CSMD1: variants seen among roughly 807,000 people sequenced by gnomAD.
CSMD1 encodes the protein CUB and Sushi multiple domains 1, also known as CUB and sushi domain-containing protein 1.
In CSMD1, 213 loss-of-function variants were observed where a neutral mutation model predicts 417.5. That is an observed-to-expected ratio of 0.51 (90% confidence interval 0.46 to 0.57). The LOEUF is 0.57. Among genes scored for constraint, CSMD1 ranks in the 20% least tolerant of loss-of-function variants. The pLI is 0.00. For synonymous variants in CSMD1, 2,862 were observed against 1,736.8 expected, an observed-to-expected ratio of 1.65 and a Z score of -16.11; for missense variants, 6,923 against 4,529.7, an observed-to-expected ratio of 1.53 and a Z score of -15.17.
At chr8:4,328,607 G>C (rs535812430) in intron 3 of CSMD1, among the ~76,000 whole-genome samples, 4 of 151,820 alleles carry the variant, frequency 2.6e-5, no homozygotes, top group African/African-American at 9.7e-5. Flanking sequence ...AAGTCATTTT[G>C]TTTTGAAATA....
At chr8:4,605,496 T>A (rs1438283464) in intron 2 of CSMD1, among the ~76,000 whole-genome samples, 2 of 152,164 alleles carry the variant, frequency 1.3e-5, no homozygotes, top group Non-Finnish European at 2.9e-5. Flanking sequence ...CGACTGCCAA[T>A]TTACCTAATT....
At chr8:4,284,269 G>C (rs1796940672) in intron 3 of CSMD1, among the ~76,000 whole-genome samples, 1 of 152,108 alleles carries the variant, frequency 6.6e-6, no homozygotes. Flanking sequence ...TCGCGAGGCT[G>C]AGACACAAGA....
At chr8:3,274,588 C>G (rs1359434920) in intron 26 of CSMD1, among the ~76,000 whole-genome samples, 2 of 152,138 alleles carry the variant, frequency 1.3e-5, no homozygotes, top group East Asian at 3.9e-4. Flanking sequence ...TCACTCAGGA[C>G]TTGCTTTATG....
At chr8:3,754,888 A>G (rs1797570904) in intron 5 of CSMD1, among the ~76,000 whole-genome samples, 1 of 152,228 alleles carries the variant, frequency 6.6e-6, no homozygotes, top group Non-Finnish European at 1.5e-5. Context: ...AGTAAAGAAG[A>G]GGACCATTTA....
At chr8:4,725,925 A>T (rs1023489915) in intron 1 of CSMD1, among the ~76,000 whole-genome samples, 6 of 151,724 alleles carry the variant, frequency 4.0e-5, no homozygotes, top group Non-Finnish European at 8.8e-5. Context: ...TTACTTTGAC[A>T]CTCTCCAGTA....
intron 12 of CSMD1, among the ~76,000 whole-genome samples, chr8:3,434,349 A>C (rs1814414164): frequency 6.6e-6 from 1 of 152,194 alleles, no homozygotes; most frequent in African/African-American, 2.4e-5. Context: ...ACCAAAATTA[A>C]AGATCAAGGT....
chr8:3,407,939 G>T lies in CSMD1; in HGVS notation c.2031C>A (p.Asp677Glu). 1 of 1,613,380 alleles carries T rather than the reference G, an allele frequency of 6.2e-7. No homozygotes were observed. The highest frequency in any genetic ancestry group is 8.5e-7 in the Non-Finnish European group (1 of 1,179,612). ...TGAACCCTCTGCCAGTAGTGGAATG[G>T]TCAGACTGAAATTCCAAGCGAACTA... ...GHIVRLEFQS[D>E]HSTTGRGFNI... Residue 677 changes from aspartate (D) to glutamate (E), a missense_variant, in exon 14 of 70, where the codon GAC becomes GAA. Asp to Glu is a conservative substitution (Grantham distance 45, BLOSUM62 2). Coordinates refer to ENST00000635120, the MANE Select transcript of CSMD1 (RefSeq NM_033225.6).
At chr8:3,145,889 G>C (rs967280955) in intron 40 of CSMD1, among the ~76,000 whole-genome samples, 2 of 152,198 alleles carry the variant, frequency 1.3e-5, no homozygotes, top group African/African-American at 4.8e-5. Flanking sequence ...TTAAGTGCCA[G>C]TGACAAGTCA....
chr8:3,301,940 T>A (rs1170963473), intron 25 of CSMD1, among the ~76,000 whole-genome samples: 1 of 151,896 alleles, frequency 6.6e-6, no homozygotes, highest in Non-Finnish European at 1.5e-5. Flanking sequence ...TTCTATGCAC[T>A]TTTTTTTCAG....
intron 4 of CSMD1, among the ~76,000 whole-genome samples, chr8:4,025,595 T>C (rs1162855411): frequency 2.6e-5 from 4 of 152,130 alleles, no homozygotes; most frequent in Non-Finnish European, 5.9e-5. Flanking sequence ...AAACAGTAAA[T>C]CCTTTTTAAG....
chr8:4,475,848 G>A (rs1050905092), intron 2 of CSMD1, among the ~76,000 whole-genome samples: 9 of 151,990 alleles, frequency 5.9e-5, no homozygotes, highest in Non-Finnish European at 2.9e-5. Flanking sequence ...CCTGACCTCA[G>A]GTGATCCACC....
intron 3 of CSMD1, among the ~76,000 whole-genome samples, chr8:4,193,703 T>A (rs1445534812): frequency 6.6e-6 from 1 of 152,040 alleles, no homozygotes; most frequent in Non-Finnish European, 1.5e-5. Flanking sequence ...AAATCGGCAT[T>A]TCAAGGCGCA....
At chr8:4,815,403 A>G (rs1799146552) in intron 1 of CSMD1, among the ~76,000 whole-genome samples, 3 of 152,102 alleles carry the variant, frequency 2.0e-5, no homozygotes, top group Non-Finnish European at 4.4e-5. Context: ...ACTGCAATAT[A>G]TTAAGAAAGG....
chr8:3,078,501 T>A (rs943465739), intron 49 of CSMD1, among the ~76,000 whole-genome samples: 25 of 152,238 alleles, frequency 1.6e-4, no homozygotes, highest in Admixed American at 1.0e-3. Context: ...GGCGTTGGAC[T>A]CTGCGTTTCA....
At chr8:4,400,783 TAAA>T (rs1037074634) in intron 3 of CSMD1, among the ~76,000 whole-genome samples, 6 of 151,952 alleles carry the variant, frequency 3.9e-5, no homozygotes, top group African/African-American at 1.4e-4. Flanking sequence ...TTTTCCTTTT[TAAA>T]AAACTATTGA....
At chr8:3,782,749 A>T (rs1346961335) in intron 5 of CSMD1, among the ~76,000 whole-genome samples, 3 of 152,234 alleles carry the variant, frequency 2.0e-5, no homozygotes, top group Non-Finnish European at 4.4e-5. Flanking sequence ...GAATTATAAG[A>T]ACAGTATGAA....
Position 4,637,366 on chromosome 8 carries a change from G to A in CSMD1, c.278C>T (p.Pro93Leu). Reference sequence around the variant, plus strand: ...CCTCACTTTTAAATTCCCTTGTTGAGGCTGTCCATCGTAAACTGATAAAAT... The same window carrying A: ...CCTCACTTTTAAATTCCCTTGTTGAAGCTGTCCATCGTAAACTGATAAAAT... ...FDILSVYDGQ[P>L]QQGNLKVRLS... is the part of the protein sequence containing the mutation. Residue 93 changes from proline to leucine, a missense_variant, in exon 2 of 70, where the codon CCT (proline) becomes CTT (leucine). By Grantham distance (98) the Pro-to-Leu change is moderately conservative. Coordinates refer to ENST00000635120, the MANE Select transcript of CSMD1 (RefSeq NM_033225.6). 1 of 1,613,726 alleles carries A rather than the reference G, an allele frequency of 6.2e-7. No homozygotes were observed. Among genetic ancestry groups the A allele is most frequent in the South Asian group, 1.1e-5 (1 of 91,082 alleles).
chr8:3,619,766 C>T (rs531922282), intron 7 of CSMD1, among the ~76,000 whole-genome samples: 1 of 152,048 alleles, frequency 6.6e-6, no homozygotes, highest in Non-Finnish European at 1.5e-5. Flanking sequence ...TCTCCATAGA[C>T]ATTTCACAGG....
At chr8:4,713,498 T>A (rs574156601) in intron 1 of CSMD1, among the ~76,000 whole-genome samples, 1 of 152,112 alleles carries the variant, frequency 6.6e-6, no homozygotes, top group Non-Finnish European at 1.5e-5. Flanking sequence ...GCCTCCCGGG[T>A]TCCAGTGATT....
Sources: allele counts gnomAD v4.1 joint callset (sites outside exome capture counted in the v4.1 genomes callset), GRCh38; gene constraint gnomAD v4.1.1; transcripts MANE v1.5; gene names NCBI Gene and HGNC (gene_info 2026-07-23, HGNC 2026-07-21).